SORBS2: variants seen among roughly 807,000 people sequenced by gnomAD.
SORBS2 encodes sorbin and SH3 domain containing 2, also known as sorbin and SH3 domain-containing protein 2.
A neutral mutation model predicts 97.7 loss-of-function variants in SORBS2; 46 were observed. That is an observed-to-expected ratio of 0.47 (90% CI 0.37 to 0.60). The LOEUF (loss-of-function observed/expected upper bound fraction) is 0.60, where lower values mean the gene tolerates loss of function less well. Among genes scored for constraint, SORBS2 ranks in the 20% least tolerant of loss-of-function variants. The pLI is 0.00. For synonymous variants in SORBS2, 476 were observed against 473.4 expected (o/e 1.01, Z -0.07); for missense variants, 1,316 against 1,282.3 (o/e 1.03, Z -0.40).
chr4:185,801,941 G>A (rs77739924), intron 1 of SORBS2, among the ~76,000 whole-genome samples: 1 of 152,158 alleles, frequency 6.6e-6, no homozygotes, highest in East Asian at 1.9e-4. Flanking sequence ...TTACATGAAA[G>A]CACTGAGGGG....
chr4:185,765,831 G>A (rs1165231195), intron 2 of SORBS2, among the ~76,000 whole-genome samples: 3 of 151,844 alleles, frequency 2.0e-5, no homozygotes, highest in Admixed American at 1.3e-4. Context: ...CTTTTCACTC[G>A]GCTTTTCATT....
intron 1 of SORBS2, among the ~76,000 whole-genome samples, chr4:185,899,211 G>T (rs974016906): frequency 6.6e-6 from 1 of 152,046 alleles, no homozygotes; most frequent in Non-Finnish European, 1.5e-5. Flanking sequence ...CACCAGGTCC[G>T]GTCTAGATAA....
At chr4:185,593,442 C>T (rs2096005102) in intron 13 of SORBS2, 1 of 157,786 alleles carries the variant, frequency 6.3e-6, no homozygotes, top group Admixed American at 6.3e-5. Flanking sequence ...TTCAAATGAC[C>T]CTTCTAAGCA....
chr4:185,796,585 C>T, intron 1 of SORBS2, among the ~76,000 whole-genome samples: 1 of 90,466 alleles, frequency 1.1e-5, no homozygotes, highest in African/African-American at 4.3e-5. Context: ...TCCCTGGTCA[C>T]GGTGGGGCTG....
chr4:185,926,132 C>T (rs1057006713), intron 1 of SORBS2, among the ~76,000 whole-genome samples: 2 of 152,192 alleles, frequency 1.3e-5, no homozygotes. Flanking sequence ...ATGTGCCAGG[C>T]TTGGGATCTC....
intron 1 of SORBS2, among the ~76,000 whole-genome samples, chr4:185,793,044 G>T (rs546600788): frequency 6.6e-6 from 1 of 152,218 alleles, no homozygotes; most frequent in South Asian, 2.1e-4. Context: ...CTGACACACT[G>T]TGCATTGAAT....
At chr4:185,620,975 T>G (rs992498217) in intron 7 of SORBS2, among the ~76,000 whole-genome samples, 11 of 152,330 alleles carry the variant, frequency 7.2e-5, no homozygotes, top group African/African-American at 2.6e-4. Context: ...TAATAGTATC[T>G]TATACCTTTT....
intron 2 of SORBS2, among the ~76,000 whole-genome samples, chr4:185,762,876 T>C (rs981712173): frequency 4.6e-5 from 7 of 152,214 alleles, no homozygotes; most frequent in African/African-American, 1.4e-4. Context: ...TCAGTATTTT[T>C]AGTTAAAGGC....
intron 2 of SORBS2, among the ~76,000 whole-genome samples, chr4:185,702,127 T>C (rs1330153070): frequency 6.6e-6 from 1 of 152,186 alleles, no homozygotes; most frequent in African/African-American, 2.4e-5. Flanking sequence ...ATACCTTGTC[T>C]AAGTCAATGT....
At chr4:185,912,322 T>C (rs531029423) in intron 1 of SORBS2, among the ~76,000 whole-genome samples, 199 of 152,114 alleles carry the variant, frequency 1.3e-3, no homozygotes, top group African/African-American at 4.6e-3. Flanking sequence ...TGGTGGCTCA[T>C]GCCTGTAATC....
chr4:185,865,422 A>G (rs768009916), intron 1 of SORBS2, among the ~76,000 whole-genome samples: 1 of 152,180 alleles, frequency 6.6e-6, no homozygotes, highest in African/African-American at 2.4e-5. Flanking sequence ...CTCCTGGTTG[A>G]AGTGTCATAT....
chr4:185,735,411 T>C (rs2098677709), intron 2 of SORBS2, among the ~76,000 whole-genome samples: 1 of 151,602 alleles, frequency 6.6e-6, no homozygotes, highest in Admixed American at 6.6e-5. Flanking sequence ...CAGAATATTA[T>C]TTGCAGATAT....
intron 1 of SORBS2, among the ~76,000 whole-genome samples, chr4:185,848,208 C>A (rs1441359711): frequency 6.6e-6 from 1 of 152,152 alleles, no homozygotes. Context: ...GGATCCAGGT[C>A]AAGTCTGTAG....
At chr4:185,953,765 T>C (rs1435507915) in intron 1 of SORBS2, among the ~76,000 whole-genome samples, 3 of 152,204 alleles carry the variant, frequency 2.0e-5, no homozygotes, top group African/African-American at 7.2e-5. Flanking sequence ...ACCTTTATAA[T>C]TACACCCTTC....
chr4:185,929,756 G>A (rs755636188), intron 1 of SORBS2, among the ~76,000 whole-genome samples: 6 of 152,036 alleles, frequency 3.9e-5, no homozygotes, highest in Admixed American at 1.3e-4. Flanking sequence ...GGATGGTCTC[G>A]ATCTCTTGAC....
chr4:185,816,339 T>C (rs1015615357), intron 1 of SORBS2, among the ~76,000 whole-genome samples: 1 of 152,226 alleles, frequency 6.6e-6, no homozygotes, highest in African/African-American at 2.4e-5. Flanking sequence ...GTCATATGAC[T>C]TAACTTAGAG....
chr4:185,721,659 A>T (rs2098515761), intron 2 of SORBS2, among the ~76,000 whole-genome samples: 1 of 152,222 alleles, frequency 6.6e-6, no homozygotes, highest in Non-Finnish European at 1.5e-5. Flanking sequence ...TTTCAAAGTC[A>T]AATATTTTAC....
intron 1 of SORBS2, among the ~76,000 whole-genome samples, chr4:185,905,784 G>A (rs571961563): frequency 2.0e-5 from 3 of 152,182 alleles, no homozygotes; most frequent in African/African-American, 7.2e-5. Flanking sequence ...TTTTGTAGGT[G>A]TGTTTATGAA....
intron 2 of SORBS2, among the ~76,000 whole-genome samples, chr4:185,650,145 C>A (rs2153458937): frequency 6.6e-6 from 1 of 152,246 alleles, no homozygotes; most frequent in East Asian, 1.9e-4. Flanking sequence ...AAGTGCTGTG[C>A]AAGGTACAAG....
Sources: gnomAD v4.1 joint callset for allele counts (sites outside exome capture counted in the v4.1 genomes callset) on GRCh38, gnomAD v4.1.1 for gene constraint, MANE v1.5 for transcripts, NCBI Gene and HGNC (gene_info 2026-07-23, HGNC 2026-07-21) for gene names.